LARGE1: variants seen among roughly 807,000 people sequenced by gnomAD.
The protein encoded by LARGE1 is xylosyl- and glucuronyltransferase LARGE1.
In LARGE1, 43 loss-of-function variants were observed where a neutral mutation model predicts 87.6. The ratio of observed to expected loss-of-function variants is 0.49; its 90% CI spans 0.38 to 0.63. The LOEUF (loss-of-function observed/expected upper bound fraction) is 0.63, where lower values mean the gene tolerates loss of function less well. Ranked by LOEUF, LARGE1 falls within the 30% of genes least tolerant of loss-of-function variation. The pLI is 0.00. For missense variants in LARGE1, 802 were observed against 1,000.2 expected, an observed-to-expected ratio of 0.80 and a Z score of 2.67; for synonymous variants, 434 against 394.6, an observed-to-expected ratio of 1.10 and a Z score of -1.18.
chr22:33,390,191 G>C (rs1331904245), intron 7 of LARGE1, among the ~76,000 whole-genome samples: 1 of 152,096 alleles, frequency 6.6e-6, no homozygotes. Flanking sequence ...ACCACTCTCT[G>C]TACCCCGATT....
At chr22:33,373,638 G>A (rs926482583) in intron 9 of LARGE1, among the ~76,000 whole-genome samples, 1 of 141,360 alleles carries the variant, frequency 7.1e-6, no homozygotes, top group Admixed American at 7.1e-5. Flanking sequence ...TCCTGTAACT[G>A]TTTTTTTTCC....
intron 6 of LARGE1, among the ~76,000 whole-genome samples, chr22:33,445,608 T>C (rs1207152504): frequency 6.6e-6 from 1 of 151,452 alleles, no homozygotes; most frequent in African/African-American, 2.4e-5. Context: ...TGGAATTTCC[T>C]GGGTGACAGG....
chr22:33,554,597 T>C (rs1052131810), intron 6 of LARGE1, among the ~76,000 whole-genome samples: 1 of 152,140 alleles, frequency 6.6e-6, no homozygotes, highest in Admixed American at 6.6e-5. Context: ...ACTCCAAGGC[T>C]AACATCCCGC....
chr22:33,209,705 G>T (rs980978614), intron 11 of LARGE1, among the ~76,000 whole-genome samples: 2 of 152,152 alleles, frequency 1.3e-5, no homozygotes, highest in Non-Finnish European at 2.9e-5. Context: ...GAGTGCCATG[G>T]TGTAATCACA....
intron 5 of LARGE1, among the ~76,000 whole-genome samples, chr22:33,603,289 T>C (rs753011187): frequency 6.6e-6 from 1 of 152,208 alleles, no homozygotes; most frequent in Non-Finnish European, 1.5e-5. Context: ...GTCAGCCTCA[T>C]GCTTAGGTGT....
the LARGE1 span, among the ~76,000 whole-genome samples, chr22:33,079,424 T>C: frequency 6.6e-6 from 1 of 151,954 alleles, no homozygotes; most frequent in African/African-American, 2.4e-5. Context: ...AGATGGGGTT[T>C]CACTGTGTTA....
At chr22:33,868,010 G>C (rs925571408) in intron 1 of LARGE1, among the ~76,000 whole-genome samples, 1 of 152,132 alleles carries the variant, frequency 6.6e-6, no homozygotes, top group Admixed American at 6.5e-5. Flanking sequence ...AGCCTACCCT[G>C]TAATCTCTTG....
the LARGE1 span, among the ~76,000 whole-genome samples, chr22:33,125,299 A>C: frequency 1.3e-5 from 2 of 152,134 alleles, no homozygotes; most frequent in Non-Finnish European, 2.9e-5. Flanking sequence ...TGAGAACTAT[A>C]ATCAGAATTT....
intron 2 of LARGE1, chr22:33,656,860 G>A (rs1385731007): frequency 6.6e-6 from 1 of 152,190 alleles, no homozygotes; most frequent in Admixed American, 6.5e-5. Context: ...CACTTGAGAT[G>A]AATGTTCTGA....
chr22:33,332,709 A>G (rs1334017237), intron 10 of LARGE1, among the ~76,000 whole-genome samples: 1 of 152,132 alleles, frequency 6.6e-6, no homozygotes, highest in Non-Finnish European at 1.5e-5. Flanking sequence ...TCTGCAGATA[A>G]CACTTGACGC....
chr22:33,861,803 A>C (rs1206117633), intron 1 of LARGE1, among the ~76,000 whole-genome samples: 1 of 151,566 alleles, frequency 6.6e-6, no homozygotes, highest in Non-Finnish European at 1.5e-5. Flanking sequence ...AGGGCAGGGA[A>C]GGTGACCATT....
At chr22:33,849,521 T>G (rs2063523506) in intron 1 of LARGE1, among the ~76,000 whole-genome samples, 1 of 151,706 alleles carries the variant, frequency 6.6e-6, no homozygotes, top group African/African-American at 2.4e-5. Context: ...ACTCATAACC[T>G]ACTGGGTACT....
intron 6 of LARGE1, among the ~76,000 whole-genome samples, chr22:33,462,547 C>A (rs1457003682): frequency 6.6e-6 from 1 of 152,148 alleles, no homozygotes; most frequent in East Asian, 1.9e-4. Flanking sequence ...CTTAGGGAGG[C>A]CGAGGTGGGT....
At chr22:33,759,556 A>T (rs1025959440) in intron 2 of LARGE1, among the ~76,000 whole-genome samples, 1 of 152,140 alleles carries the variant, frequency 6.6e-6, no homozygotes, top group Non-Finnish European at 1.5e-5. Flanking sequence ...CCTTATAACA[A>T]TACCTGGCCT....
At position 33,604,497 on chromosome 22, in the gene LARGE1, G is replaced by A; in HGVS notation, c.553C>T (p.Leu185Phe). 6.2e-7 allele frequency: 1 copy of A among 1,614,140 alleles called. No individual in the cohort carries two copies. The highest frequency in any genetic ancestry group is 8.5e-7 in the Non-Finnish European group (1 of 1,179,998). ...DSIAEQILAT[L>F]FQTWMVPAVR... ...GCGGGCACCATCCAGGTCTGGAAGA[G>A]CGTGGCCAGGATCTGCTCCGCAATG... Residue 185 changes from leucine to phenylalanine, a missense_variant, in exon 5 of 15, where the codon CTC (leucine) becomes TTC (phenylalanine). Coordinates refer to ENST00000397394, the MANE Select transcript of LARGE1 (RefSeq NM_133642.5).
chr22:33,783,988 T>C (rs2085516232), intron 1 of LARGE1, among the ~76,000 whole-genome samples: 1 of 151,810 alleles, frequency 6.6e-6, no homozygotes, highest in Non-Finnish European at 1.5e-5. Context: ...ACTAAGACAA[T>C]CTCTCTCTTT....
intron 10 of LARGE1, among the ~76,000 whole-genome samples, chr22:33,324,728 G>T (rs1181639952): frequency 6.6e-6 from 1 of 152,198 alleles, no homozygotes; most frequent in African/African-American, 2.4e-5. Flanking sequence ...TCTGGCCTTA[G>T]AGACTTCTGT....
chr22:33,770,112 C>A (rs2085019701), intron 1 of LARGE1, among the ~76,000 whole-genome samples: 1 of 152,310 alleles, frequency 6.6e-6, no homozygotes, highest in East Asian at 1.9e-4. Context: ...TATTCTATAG[C>A]ATTAGCAAGG....
intron 3 of LARGE1, among the ~76,000 whole-genome samples, chr22:33,645,801 A>T (rs1456714665): frequency 6.6e-6 from 1 of 152,252 alleles, no homozygotes; most frequent in Non-Finnish European, 1.5e-5. Flanking sequence ...GACACTTCTC[A>T]AAAGAAGACA....
Sources: allele counts gnomAD v4.1 joint callset (sites outside exome capture counted in the v4.1 genomes callset), GRCh38; gene constraint gnomAD v4.1.1; transcripts MANE v1.5; gene names NCBI Gene and HGNC (gene_info 2026-07-23, HGNC 2026-07-21).